The following CDH12 variants were observed in gnomAD, a reference collection of about 807,000 sequenced individuals.
The protein encoded by CDH12 is cadherin-12.
Under a neutral mutation model 74.1 loss-of-function variants are expected in CDH12, and 41 were observed. The ratio of observed to expected loss-of-function variants is 0.55; its 90% CI spans 0.43 to 0.72. CDH12 has a LOEUF of 0.72. Ranked by LOEUF, CDH12 falls within the 30% of genes least tolerant of loss-of-function variation. The pLI is 0.00. For missense variants in CDH12, 945 were observed against 977.2 expected (o/e 0.97, Z 0.44); for synonymous variants, 399 against 355.0 (o/e 1.12, Z -1.39).
intron 11 of CDH12, among the ~76,000 whole-genome samples, chr5:21,773,769 C>A (rs926773875): frequency 6.6e-6 from 1 of 152,126 alleles, no homozygotes; most frequent in African/African-American, 2.4e-5. Flanking sequence ...TTGTTAAGAA[C>A]ATGTTTGTAC....
intron 6 of CDH12, among the ~76,000 whole-genome samples, chr5:21,886,461 T>C (rs1752635341): frequency 6.8e-6 from 1 of 148,072 alleles, no homozygotes; most frequent in South Asian, 2.1e-4. Context: ...TTATTAATTT[T>C]CCTCATATAT....
intron 3 of CDH12, among the ~76,000 whole-genome samples, chr5:22,400,323 A>G (rs567608280): frequency 6.6e-6 from 1 of 152,138 alleles, no homozygotes; most frequent in African/African-American, 2.4e-5. Flanking sequence ...GATAAAGAGG[A>G]CTGTATATTA....
At chr5:21,971,076 C>T (rs955600383) in intron 6 of CDH12, among the ~76,000 whole-genome samples, 9 of 151,618 alleles carry the variant, frequency 5.9e-5, no homozygotes, top group African/African-American at 2.2e-4. Flanking sequence ...TAAATGTCAG[C>T]TAAACTTTCT....
At chr5:21,833,084 T>A (rs1476678913) in intron 8 of CDH12, among the ~76,000 whole-genome samples, 1 of 49,964 alleles carries the variant, frequency 2.0e-5, no homozygotes, top group African/African-American at 6.7e-5. Flanking sequence ...ATATATTATA[T>A]TATAAATATA....
At position 22,592,805 on chromosome 5, in the gene CDH12, G is replaced by A. The variant is rs111919874; in HGVS notation, c.-522-87441C>T. On this transcript the variant is annotated intron_variant, in intron 1 of 14. Coordinates refer to ENST00000382254, the MANE Select transcript of CDH12 (RefSeq NM_004061.5). ...CGTGTAATCCCAGCACTTTGGGAGCGGATCACCTGAGATCAGGTGTTCACG... is the reference window on the plus strand; with the variant it reads ...CGTGTAATCCCAGCACTTTGGGAGCAGATCACCTGAGATCAGGTGTTCACG... 4.2e-3 allele frequency among the ~76,000 whole-genome samples: 644 copies of A among 151,554 alleles called. 7 individuals carry two copies. The highest frequency in any genetic ancestry group is 0.015 in the African/African-American group (615 of 41,288).
chr5:22,450,207 T>C (rs1280835665), intron 2 of CDH12, among the ~76,000 whole-genome samples: 2 of 151,988 alleles, frequency 1.3e-5, no homozygotes, highest in East Asian at 1.9e-4. Context: ...CATTATGTTT[T>C]AGCCCTTCCA....
intron 1 of CDH12, among the ~76,000 whole-genome samples, chr5:22,768,767 T>C (rs999725225): frequency 6.6e-6 from 1 of 152,100 alleles, no homozygotes; most frequent in Non-Finnish European, 1.5e-5. Flanking sequence ...CACCTCATTT[T>C]AAAAAATTAT....
chr5:22,182,068 A>G (rs1749679011), intron 4 of CDH12, among the ~76,000 whole-genome samples: 1 of 152,038 alleles, frequency 6.6e-6, no homozygotes, highest in Non-Finnish European at 1.5e-5. Flanking sequence ...CCCTATAATT[A>G]GTTTTCTTTG....
chr5:21,810,881 T>C (rs1479726786), intron 9 of CDH12, among the ~76,000 whole-genome samples: 1 of 152,094 alleles, frequency 6.6e-6, no homozygotes, highest in Non-Finnish European at 1.5e-5. Flanking sequence ...TAAGAGTTAT[T>C]CAAAAATTAA....
intron 3 of CDH12, among the ~76,000 whole-genome samples, chr5:22,221,086 T>C (rs1302477769): frequency 6.6e-6 from 1 of 151,856 alleles, no homozygotes; most frequent in Non-Finnish European, 1.5e-5. Context: ...TGATCTGTTT[T>C]TTACTGTTCG....
chr5:22,053,762 A>G (rs939431656), intron 5 of CDH12, among the ~76,000 whole-genome samples: 19 of 152,120 alleles, frequency 1.2e-4, no homozygotes, highest in South Asian at 6.2e-4. Flanking sequence ...CTAACGTTAG[A>G]GCTCGCCTCT....
chr5:22,586,950 G>T (rs936152183), intron 1 of CDH12, among the ~76,000 whole-genome samples: 1 of 150,102 alleles, frequency 6.7e-6, no homozygotes, highest in Non-Finnish European at 1.5e-5. Context: ...GGGTTCAAGT[G>T]ATTCTCGTAT....
intron 3 of CDH12, among the ~76,000 whole-genome samples, chr5:22,295,777 T>C (rs1737597518): frequency 6.6e-6 from 1 of 152,108 alleles, no homozygotes; most frequent in Admixed American, 6.6e-5. Context: ...GTATAGGCTA[T>C]ATGAAATTTA....
intron 3 of CDH12, among the ~76,000 whole-genome samples, chr5:22,380,293 T>C (rs780526771): frequency 6.6e-6 from 1 of 152,322 alleles, no homozygotes; most frequent in Admixed American, 6.5e-5. Flanking sequence ...TATTTCATAC[T>C]AATTATTTCT....
intron 4 of CDH12, among the ~76,000 whole-genome samples, chr5:22,080,927 G>A (rs906168273): frequency 6.6e-6 from 1 of 151,698 alleles, no homozygotes; most frequent in Admixed American, 6.6e-5. Flanking sequence ...CTATAGGTGC[G>A]TGCCACCACA....
At chr5:22,298,382 T>C (rs1051117074) in intron 3 of CDH12, among the ~76,000 whole-genome samples, 2 of 151,988 alleles carry the variant, frequency 1.3e-5, no homozygotes, top group African/African-American at 4.8e-5. Flanking sequence ...TAAATCCTAT[T>C]CATTTAAGTT....
chr5:21,832,365 C>A (rs910353738), intron 8 of CDH12, among the ~76,000 whole-genome samples: 1 of 152,022 alleles, frequency 6.6e-6, no homozygotes, highest in African/African-American at 2.4e-5. Context: ...TGCTAATTTT[C>A]TTTTTATATG....
intron 9 of CDH12, among the ~76,000 whole-genome samples, chr5:21,811,774 ATTTTG>A (rs58069749): frequency 0.6 from 84,923 of 141,210 alleles, 27,106 homozygotes; most frequent in Non-Finnish European, 0.72. Context: ...AGCAGTTTTT[ATTTTG>A]TTTTGTTTTG....
chr5:22,375,231 A>T (rs1021337550), intron 3 of CDH12, among the ~76,000 whole-genome samples: 3 of 152,098 alleles, frequency 2.0e-5, no homozygotes, highest in African/African-American at 7.2e-5. Flanking sequence ...TGGTATTGGG[A>T]ATTACCCATA....
Sources: allele counts gnomAD v4.1 joint callset (sites outside exome capture counted in the v4.1 genomes callset), GRCh38; gene constraint gnomAD v4.1.1; transcripts MANE v1.5; gene names NCBI Gene and HGNC (gene_info 2026-07-23, HGNC 2026-07-21).